Variants in MMP26 observed in about 807,000 individuals in gnomAD.
MMP26 encodes matrix metallopeptidase 26.
MMP26 carries 33 observed loss-of-function variants against 31.0 expected under a neutral mutation model. The observed-to-expected ratio is 1.06, with a 90% CI of 0.81 to 1.42. MMP26 has a LOEUF of 1.42. Among genes scored for constraint, MMP26 ranks in the 40% most tolerant of loss-of-function variants. MMP26 has a pLI of 0.00. For missense variants in MMP26, 347 were observed against 316.1 expected, an observed-to-expected ratio of 1.10 and a Z score of -0.74; for synonymous variants, 122 against 114.9, an observed-to-expected ratio of 1.06 and a Z score of -0.40.
rs1465954889 is a variant in MMP26, at chr11:4,915,195, T to A, written c.-144-72873T>A. The A allele has an allele frequency of 2.5e-6, 4 of 1,613,942 alleles. No homozygotes were observed. The South Asian group carries it at 4.4e-5, about 18-fold the overall frequency. On this transcript the variant is annotated intron_variant, in intron 2 of 7. Transcript: ENST00000380390. ...GGTAATGGAAAAATGAGTGCTACAC[T>A]ACGACCCAGAGAGACCAGGCCAATC...
At chr11:4,920,357 T>C (rs2595975) in intron 2 of MMP26, among the ~76,000 whole-genome samples, 68,639 of 151,958 alleles carry the variant, frequency 0.45, 15,928 homozygotes, top group East Asian at 0.68. Context: ...TACCTTCCTT[T>C]CATACTGTTT....
intron 2 of MMP26, among the ~76,000 whole-genome samples, chr11:4,965,566 C>T (rs1247512202): frequency 2.0e-5 from 3 of 152,094 alleles, no homozygotes; most frequent in African/African-American, 7.2e-5. Context: ...ATTAATCTTT[C>T]TTTGAGATGA....
intron 2 of MMP26, among the ~76,000 whole-genome samples, chr11:4,810,466 C>T (rs1042418241): frequency 1.3e-5 from 2 of 152,186 alleles, no homozygotes; most frequent in South Asian, 4.1e-4. Flanking sequence ...AGTGTGCTAC[C>T]ATCATGCTAT....
chr11:4,809,986 A>G (rs138202760), intron 2 of MMP26, among the ~76,000 whole-genome samples: 43 of 152,312 alleles, frequency 2.8e-4, no homozygotes, highest in African/African-American at 8.9e-4. Flanking sequence ...CCTCAGATCA[A>G]GGCATATTTA....
intron 2 of MMP26, among the ~76,000 whole-genome samples, chr11:4,854,265 A>G (rs1348887902): frequency 6.6e-6 from 1 of 152,228 alleles, no homozygotes; most frequent in African/African-American, 2.4e-5. Context: ...AGGGCGGGGC[A>G]TCGCCTCACC....
rs376548254 is a variant in MMP26 at position 4,739,707 on chromosome 11, CT to C, written c.-216-27553del. Among the ~76,000 whole-genome samples the C allele has an allele frequency of 1.3e-3, 191 of 149,708 alleles. No homozygotes were observed. The Middle Eastern group carries it at 0.017, about 13-fold the overall frequency. On this transcript the variant is annotated intron_variant, in intron 1 of 7. Coordinates refer to ENST00000380390, the MANE Select transcript of MMP26 (RefSeq NM_021801.5). ...GGACTGCATGTTGTATTGTTGACTACTTTTTTTTTTATCTCTATCTACTATT... is the reference window on the plus strand; with the variant it reads ...GGACTGCATGTTGTATTGTTGACTACTTTTTTTTTATCTCTATCTACTATT...
chr11:4,958,424 T>C (rs1846473633), intron 2 of MMP26, among the ~76,000 whole-genome samples: 1 of 152,188 alleles, frequency 6.6e-6, no homozygotes, highest in Non-Finnish European at 1.5e-5. Context: ...GCAAGAGTCT[T>C]ATTTATTTTC....
At chr11:4,988,957 A>G (rs1437757021) in intron 3 of MMP26, among the ~76,000 whole-genome samples, 1 of 152,226 alleles carries the variant, frequency 6.6e-6, no homozygotes, top group Non-Finnish European at 1.5e-5. Flanking sequence ...TTTAAAAAAA[A>G]CAGTCAATAG....
intron 2 of MMP26, among the ~76,000 whole-genome samples, chr11:4,960,806 C>T (rs925821218): frequency 2.6e-5 from 4 of 152,016 alleles, no homozygotes; most frequent in African/African-American, 9.7e-5. Flanking sequence ...CAGAACATTT[C>T]ATAAGCCACT....
chr11:4,761,650 C>A (rs1260397319), intron 1 of MMP26, among the ~76,000 whole-genome samples: 1 of 152,134 alleles, frequency 6.6e-6, no homozygotes, highest in Non-Finnish European at 1.5e-5. Flanking sequence ...GAAATTGAAT[C>A]ATTTCTTTAG....
intron 2 of MMP26, among the ~76,000 whole-genome samples, chr11:4,787,875 C>A (rs1848970213): frequency 6.6e-6 from 1 of 152,156 alleles, no homozygotes; most frequent in Non-Finnish European, 1.5e-5. Flanking sequence ...TACATGCTTT[C>A]TTTTACTTAG....
At chr11:4,974,965 G>T (rs376084934) in intron 2 of MMP26, among the ~76,000 whole-genome samples, 59 of 151,894 alleles carry the variant, frequency 3.9e-4, no homozygotes, top group African/African-American at 1.3e-3. Context: ...GGGTTGAGGT[G>T]GGGGGAGGGA....
At chr11:4,915,669 G>T (rs769011302) in intron 2 of MMP26, 4 of 1,603,814 alleles carry the variant, frequency 2.5e-6, no homozygotes, top group Non-Finnish European at 3.4e-6. Flanking sequence ...GTCATTGTGT[G>T]AGGAGACAAG....
chr11:4,977,744 C>T (rs1846757368), intron 2 of MMP26, among the ~76,000 whole-genome samples: 1 of 152,038 alleles, frequency 6.6e-6, no homozygotes, highest in Non-Finnish European at 1.5e-5. Flanking sequence ...GACTCAAAGT[C>T]CCCTACACTG....
chr11:4,810,188 G>T (rs1266561173), intron 2 of MMP26, among the ~76,000 whole-genome samples: 1 of 151,988 alleles, frequency 6.6e-6, no homozygotes, highest in Non-Finnish European at 1.5e-5. Context: ...GTGCAAAAAA[G>T]GTGTGTTGTT....
At chr11:4,865,567 T>C (rs937702440) in intron 2 of MMP26, among the ~76,000 whole-genome samples, 9 of 152,198 alleles carry the variant, frequency 5.9e-5, no homozygotes, top group Middle Eastern at 3.4e-3. Context: ...TCTCCCACCA[T>C]TGCCAAATTC....
intron 2 of MMP26, among the ~76,000 whole-genome samples, chr11:4,862,356 T>G (rs535335648): frequency 2.6e-5 from 4 of 152,338 alleles, no homozygotes; most frequent in African/African-American, 9.6e-5. Flanking sequence ...AAGGCATTTA[T>G]TAATTTTTCC....
chr11:4,777,807 G>A (rs987805210), intron 2 of MMP26, among the ~76,000 whole-genome samples: 2 of 152,010 alleles, frequency 1.3e-5, no homozygotes, highest in African/African-American at 2.4e-5. Flanking sequence ...ATGTTCCAGC[G>A]TATGACTATA....
rs563251345 is a variant in MMP26 at position 4,869,027 on chromosome 11, G to C, written c.-145+101686G>C. 4.7e-3 allele frequency among the ~76,000 whole-genome samples: 723 copies of C among 152,280 alleles called. 6 individuals are homozygous for C. The highest frequency in any genetic ancestry group is 0.015 in the African/African-American group (616 of 41,556). On this transcript the variant is annotated intron_variant, in intron 2 of 7. Transcript: ENST00000380390. ...ACTGGCTAGCCATATGTAGAAAGCT[G>C]AAACTGGATCCTTCCTTACACCTTA...
Sources: gnomAD v4.1 joint callset for allele counts (sites outside exome capture counted in the v4.1 genomes callset) on GRCh38, gnomAD v4.1.1 for gene constraint, MANE v1.5 for transcripts, NCBI Gene and HGNC (gene_info 2026-07-23, HGNC 2026-07-21) for gene names.